Variants in XIRP2 observed in about 807,000 individuals in gnomAD.
XIRP2 encodes xin actin-binding repeat-containing protein 2.
In XIRP2, 236 loss-of-function variants were observed where a neutral mutation model predicts 277.0. That is an observed-to-expected ratio of 0.85 (90% confidence interval 0.77 to 0.95). The LOEUF is 0.95. Ranked by LOEUF, XIRP2 falls within the 40% of genes least tolerant of loss-of-function variation. The pLI is 0.00. For missense variants in XIRP2, 4,640 were observed against 4,157.5 expected (o/e 1.12, Z -3.19); for synonymous variants, 1,490 against 1,416.5 (o/e 1.05, Z -1.17).
chr2:167,101,655 T>A (rs1365820518), intron 2 of XIRP2, among the ~76,000 whole-genome samples: 1 of 152,230 alleles, frequency 6.6e-6, no homozygotes, highest in African/African-American at 2.4e-5. Context: ...TTGTTTCATG[T>A]CTTTTTATGG....
At chr2:166,907,275 A>C (rs1212589415) in intron 2 of XIRP2, among the ~76,000 whole-genome samples, 1 of 152,212 alleles carries the variant, frequency 6.6e-6, no homozygotes, top group East Asian at 1.9e-4. Flanking sequence ...ATTTACAAAA[A>C]TTTGTTGCAA....
intron 2 of XIRP2, among the ~76,000 whole-genome samples, chr2:167,065,102 A>G (rs1432347637): frequency 6.6e-6 from 1 of 151,974 alleles, no homozygotes; most frequent in African/African-American, 2.4e-5. Flanking sequence ...AGGCTGCACT[A>G]TTCTACACTT....
At chr2:167,182,558 A>G (rs1285737376) in intron 3 of XIRP2, among the ~76,000 whole-genome samples, 1 of 152,176 alleles carries the variant, frequency 6.6e-6, no homozygotes, top group East Asian at 1.9e-4. Flanking sequence ...GATTAAGGTC[A>G]GGATAAATAA....
At position 167,240,671 on chromosome 2, in the gene XIRP2, A is replaced by G; in HGVS notation, c.977A>G (p.His326Arg). 6.2e-7 allele frequency: 1 copy of G among 1,613,770 alleles called. No homozygotes were observed. Among genetic ancestry groups the G allele is most frequent in the Non-Finnish European group, 8.5e-7 (1 of 1,179,762 alleles). ...IDVHGTEMVS[H>R]LEKHTEEVNQ... ...AATTCTCTTTAAATACAGGTCTCTC[A>G]TCTTGAAAAGCACACCGAGGAAGTA... The change falls in exon 7 of 11, where the codon CAT (histidine) becomes CGT (arginine). Residue 326 changes from histidine (H) to arginine (R), a missense_variant. Physicochemically the swap from His to Arg is conservative, Grantham distance 29. Transcript: ENST00000409195.
intron 3 of XIRP2, among the ~76,000 whole-genome samples, chr2:167,203,984 G>A (rs887615389): frequency 3.9e-5 from 6 of 151,926 alleles, no homozygotes; most frequent in African/African-American, 1.5e-4. Flanking sequence ...GAACTAAACA[G>A]TTGACTTCTT....
intron 3 of XIRP2, chr2:167,184,721 C>T (rs1693109936): frequency 3.0e-6 from 2 of 672,860 alleles, no homozygotes; most frequent in Non-Finnish European, 5.5e-6. Context: ...CATATATTAT[C>T]TCTGCAATTG....
intron 1 of XIRP2, among the ~76,000 whole-genome samples, chr2:166,895,496 G>A (rs1430213862): frequency 6.6e-6 from 1 of 152,128 alleles, no homozygotes; most frequent in Non-Finnish European, 1.5e-5. Flanking sequence ...ACAGGTCTCT[G>A]GATCCATGAA....
At chr2:167,172,219 A>G (rs994322366) in intron 3 of XIRP2, among the ~76,000 whole-genome samples, 2 of 152,176 alleles carry the variant, frequency 1.3e-5, no homozygotes, top group African/African-American at 2.4e-5. Flanking sequence ...ACAAGTTTTT[A>G]TTAGTGATTT....
rs113535928 is a variant in XIRP2 at position 167,158,942 on chromosome 2, A to T, written c.562+22880A>T. 3.9e-5 allele frequency among the ~76,000 whole-genome samples: 6 copies of T among 152,308 alleles called. 1 individual carries two copies. Among genetic ancestry groups the T allele is most frequent in the African/African-American group, 1.4e-4 (6 of 41,572 alleles). ...ACTCTAAGGAATACAGAAATAGCAG[A>T]TATAAGAAGCAGACACTACCTCTGG... On this transcript the variant is annotated intron_variant, in intron 3 of 10. Coordinates refer to ENST00000409195, the MANE Select transcript of XIRP2 (RefSeq NM_152381.6).
chr2:166,931,202 G>T (rs950079899), intron 2 of XIRP2, among the ~76,000 whole-genome samples: 1 of 152,114 alleles, frequency 6.6e-6, no homozygotes, highest in Non-Finnish European at 1.5e-5. Context: ...CCTCGTACTT[G>T]CAATTGTAAT....
Position 166,955,815 on chromosome 2 carries a change from C to CT in XIRP2, c.408+51936dup, listed in dbSNP as rs372631197. ...GAAGTGGGTTTTTCTGTTTAGTTTG[C>CT]TTTTTTTTTTTCTTTTTGGCTAGCA... On this transcript the variant is annotated intron_variant, in intron 2 of 10. Transcript: ENST00000409195. Among the ~76,000 whole-genome samples the CT allele has an allele frequency of 2.4e-3, 342 of 144,600 alleles. 2 individuals carry two copies. The highest frequency in any genetic ancestry group is 7.3e-3 in the African/African-American group (288 of 39,678). 94.9% of individuals were successfully genotyped at this position (144,600 alleles called of 152,430 possible). A position where few individuals can be genotyped will look rare whatever the true frequency, so the allele number is the denominator to read the frequency against.
At chr2:167,207,071 T>G (rs1380150726) in intron 3 of XIRP2, among the ~76,000 whole-genome samples, 1 of 152,148 alleles carries the variant, frequency 6.6e-6, no homozygotes, top group Non-Finnish European at 1.5e-5. Flanking sequence ...TATTTCCAAA[T>G]TGTAACTCTA....
chr2:166,902,762 A>G (rs1684415693), intron 1 of XIRP2, among the ~76,000 whole-genome samples: 1 of 152,092 alleles, frequency 6.6e-6, no homozygotes, highest in African/African-American at 2.4e-5. Context: ...TCCACTGGTT[A>G]AGAGGGCAGA....
chr2:166,928,919 T>A (rs1685257137), intron 2 of XIRP2, among the ~76,000 whole-genome samples: 1 of 152,040 alleles, frequency 6.6e-6, no homozygotes, highest in African/African-American at 2.4e-5. Context: ...TTGGGATACT[T>A]CATTATCTTA....
chr2:167,254,051 A>C lies in XIRP2; in HGVS notation c.10575A>C (p.Gln3525His), dbSNP rs1461169919. 1 of 1,593,982 alleles carries C rather than the reference A, an allele frequency of 6.3e-7. No homozygotes were observed. Among genetic ancestry groups the C allele is most frequent in the Non-Finnish European group, 8.5e-7 (1 of 1,170,340 alleles). ...TTTTAGAAGCTGCTGCTCCAAGACA[A>C]GGAAATATGTATACTTTGTCAAAAG... is the stretch of plus-strand genomic sequence containing the variant. ...AFISEAAAPR[Q>H]GNMYTLSKDS... Residue 3525 changes from glutamine to histidine, a missense_variant, in exon 10 of 11, where the codon CAA (glutamine) becomes CAC (histidine). By Grantham distance (24) the Gln-to-His change is conservative. Transcript: ENST00000409195.
intron 3 of XIRP2, among the ~76,000 whole-genome samples, chr2:167,205,070 A>T (rs1693818531): frequency 6.6e-6 from 1 of 152,118 alleles, no homozygotes; most frequent in South Asian, 2.1e-4. Context: ...ACATATTCAC[A>T]TGGCCAGCTC....
At chr2:167,162,191 C>T (rs1692390389) in intron 3 of XIRP2, among the ~76,000 whole-genome samples, 2 of 152,186 alleles carry the variant, frequency 1.3e-5, no homozygotes, top group African/African-American at 2.4e-5. Context: ...TCACATTTTC[C>T]TGTCTTCTTC....
intron 3 of XIRP2, among the ~76,000 whole-genome samples, chr2:167,178,635 A>G (rs185078020): frequency 3.3e-4 from 50 of 152,180 alleles, no homozygotes; most frequent in African/African-American, 9.4e-4. Context: ...ATATTTGTTC[A>G]TAAGTTTTTT....
chr2:167,236,419 T>C (rs942375689), intron 5 of XIRP2, among the ~76,000 whole-genome samples: 4 of 152,030 alleles, frequency 2.6e-5, no homozygotes, highest in Non-Finnish European at 4.4e-5. Context: ...AAGATGTGCA[T>C]ATCAACAATA....
Sources: allele counts gnomAD v4.1 joint callset (sites outside exome capture counted in the v4.1 genomes callset), GRCh38; gene constraint gnomAD v4.1.1; transcripts MANE v1.5; gene names NCBI Gene and HGNC (gene_info 2026-07-23, HGNC 2026-07-21).